The following DLG2 variants were observed in gnomAD, a reference collection of about 807,000 sequenced individuals.
The protein encoded by DLG2 is disks large homolog 2.
In DLG2, 45 loss-of-function variants were observed where a neutral mutation model predicts 132.5. That is an observed-to-expected ratio of 0.34 (90% CI 0.27 to 0.44). The LOEUF (loss-of-function observed/expected upper bound fraction) is 0.44, where lower values mean the gene tolerates loss of function less well. DLG2 is among the 20% of genes least tolerant of loss of function. The pLI is 1.00. For synonymous variants in DLG2, 424 were observed against 419.6 expected (o/e 1.01, Z -0.13); for missense variants, 1,045 against 1,196.9 (o/e 0.87, Z 1.87).
intron 6 of DLG2, among the ~76,000 whole-genome samples, chr11:85,037,044 C>T (rs925460447): frequency 2.0e-5 from 3 of 152,282 alleles, no homozygotes; most frequent in African/African-American, 4.8e-5. Context: ...GCTGAAGGCA[C>T]GTGGTGCAGC....
At chr11:83,522,719 T>C (rs1006470118) in intron 21 of DLG2, among the ~76,000 whole-genome samples, 1 of 152,054 alleles carries the variant, frequency 6.6e-6, no homozygotes, top group African/African-American at 2.4e-5. Flanking sequence ...TTATTATAGT[T>C]GAAAAATCAC....
At chr11:85,621,979 T>C (rs1320106151) in intron 2 of DLG2, among the ~76,000 whole-genome samples, 1 of 152,228 alleles carries the variant, frequency 6.6e-6, no homozygotes, top group East Asian at 1.9e-4. Context: ...TCAATTGATG[T>C]GGCAAACTTC....
chr11:83,753,844 C>CATATATCATATATATGAT (rs2093493348), intron 18 of DLG2, among the ~76,000 whole-genome samples: 2 of 8,742 alleles, frequency 2.3e-4, no homozygotes, highest in African/African-American at 1.1e-3. Context: ...TGATATATAT[C>CATATATCATATATATGAT]ATATATATCA....
intron 3 of DLG2, among the ~76,000 whole-genome samples, chr11:85,448,642 C>A (rs2092110917): frequency 6.6e-6 from 1 of 151,986 alleles, no homozygotes; most frequent in South Asian, 2.1e-4. Flanking sequence ...ATGAAATATC[C>A]CACTCTTGTC....
chr11:83,862,296 C>T (rs569816829), intron 16 of DLG2, among the ~76,000 whole-genome samples: 48 of 152,098 alleles, frequency 3.2e-4, no homozygotes, highest in African/African-American at 1.2e-3. Context: ...GGCAACAACA[C>T]GAATGGAACT....
intron 16 of DLG2, among the ~76,000 whole-genome samples, chr11:83,840,478 A>G (rs2057300620): frequency 6.6e-6 from 1 of 152,196 alleles, no homozygotes; most frequent in Non-Finnish European, 1.5e-5. Flanking sequence ...AGAGATATAG[A>G]TCACAAAACA....
intron 5 of DLG2, among the ~76,000 whole-genome samples, chr11:85,112,463 T>A (rs1022455933): frequency 3.3e-5 from 5 of 151,998 alleles, no homozygotes; most frequent in African/African-American, 1.2e-4. Flanking sequence ...TAATGAAAAC[T>A]GATTAGTCCA....
intron 7 of DLG2, among the ~76,000 whole-genome samples, chr11:84,467,510 T>C (rs1019445967): frequency 6.6e-6 from 1 of 151,374 alleles, no homozygotes; most frequent in Non-Finnish European, 1.5e-5. Context: ...GTTTACTTTT[T>C]TTTAAACTTT....
At chr11:85,534,080 C>T (rs545934803) in intron 3 of DLG2, among the ~76,000 whole-genome samples, 1 of 152,174 alleles carries the variant, frequency 6.6e-6, no homozygotes, top group East Asian at 1.9e-4. Context: ...CCCCACCTCC[C>T]AGGTTCAAGC....
intron 6 of DLG2, among the ~76,000 whole-genome samples, chr11:84,634,342 A>C (rs2099637061): frequency 6.6e-6 from 1 of 152,216 alleles, no homozygotes; most frequent in South Asian, 2.1e-4. Flanking sequence ...TAGTAAAATT[A>C]AGTTTAGCCT....
intron 8 of DLG2, among the ~76,000 whole-genome samples, chr11:84,179,277 C>T (rs1427506297): frequency 6.6e-6 from 1 of 152,072 alleles, no homozygotes; most frequent in African/African-American, 2.4e-5. Context: ...CCATTCTGTT[C>T]TAACAACAAA....
In DLG2 at chr11:85,488,459, C is replaced by T. The variant is rs147729973; in HGVS notation, c.40+110198G>A. ...ACCTCCTGCCATGATTCTGAGGCCT[C>T]CCCAGCCATATGAAACTGTAAGTCC... On this transcript the variant is annotated intron_variant, in intron 3 of 27. Coordinates refer to ENST00000376104, the MANE Select transcript of DLG2 (RefSeq NM_001142699.3). 5.8e-4 allele frequency among the ~76,000 whole-genome samples: 88 copies of T among 152,110 alleles called. 1 individual carries two copies. The East Asian group carries it at 0.016, about 28-fold the overall frequency.
intron 19 of DLG2, among the ~76,000 whole-genome samples, chr11:83,543,451 G>A (rs1439084539): frequency 2.0e-5 from 3 of 152,130 alleles, no homozygotes; most frequent in Admixed American, 6.6e-5. Context: ...TATAGTATGT[G>A]CAGTCTAGTG....
chr11:84,896,346 T>A (rs2090182652), intron 6 of DLG2, among the ~76,000 whole-genome samples: 1 of 152,074 alleles, frequency 6.6e-6, no homozygotes, highest in South Asian at 2.1e-4. Flanking sequence ...AACAGTTAGA[T>A]GCTTGTTAAA....
intron 6 of DLG2, among the ~76,000 whole-genome samples, chr11:84,717,916 C>G (rs1470450887): frequency 1.3e-5 from 2 of 152,006 alleles, no homozygotes; most frequent in Non-Finnish European, 2.9e-5. Context: ...TATGAAGAAA[C>G]TGAGACTTAC....
chr11:84,424,980 G>C (rs543212587), intron 7 of DLG2, among the ~76,000 whole-genome samples: 2 of 152,028 alleles, frequency 1.3e-5, no homozygotes, highest in Non-Finnish European at 2.9e-5. Flanking sequence ...GCAGTATAGA[G>C]TTTGCTAAGT....
intron 6 of DLG2, among the ~76,000 whole-genome samples, chr11:84,735,744 G>A (rs1031905277): frequency 1.2e-4 from 18 of 151,988 alleles, no homozygotes; most frequent in African/African-American, 4.1e-4. Flanking sequence ...GTCAATTTGA[G>A]ATCTTTCCTG....
chr11:85,400,988 G>A (rs2088028670), intron 3 of DLG2, among the ~76,000 whole-genome samples: 1 of 149,638 alleles, frequency 6.7e-6, no homozygotes. Context: ...CATTTTATGA[G>A]GCTAGCATCA....
chr11:84,541,740 C>T lies in DLG2; in HGVS notation c.358-7009G>A, dbSNP rs12575944. On this transcript the variant is annotated intron_variant, in intron 6 of 27. Coordinates refer to ENST00000376104, the MANE Select transcript of DLG2 (RefSeq NM_001142699.3). ...TAATTATCTGAGCAATAACATGATC[C>T]GCATAATCAGAAAGCCCTCCCAGCT... 4.1e-4 allele frequency among the ~76,000 whole-genome samples: 62 copies of T among 152,106 alleles called. No individual in the cohort carries two copies. In the East Asian group the frequency reaches 0.011, roughly 27 times the overall value.
Sources: gnomAD v4.1 joint callset for allele counts (sites outside exome capture counted in the v4.1 genomes callset) on GRCh38, gnomAD v4.1.1 for gene constraint, MANE v1.5 for transcripts, NCBI Gene and HGNC (gene_info 2026-07-23, HGNC 2026-07-21) for gene names.